Variants in SV2C observed in about 807,000 individuals in gnomAD.
The protein encoded by SV2C is synaptic vesicle glycoprotein 2C.
Under a neutral mutation model 79.7 loss-of-function variants are expected in SV2C, and 49 were observed. The observed-to-expected ratio is 0.61, with a 90% CI of 0.49 to 0.78. SV2C has a LOEUF of 0.78. Among genes scored for constraint, SV2C ranks in the 30% least tolerant of loss-of-function variants. The pLI is 0.00. For missense variants in SV2C, 833 were observed against 912.9 expected (o/e 0.91, Z 1.13); for synonymous variants, 334 against 333.2 (o/e 1.00, Z -0.03).
chr5:76,273,564 T>G (rs1400658185), intron 4 of SV2C, among the ~76,000 whole-genome samples: 2 of 152,210 alleles, frequency 1.3e-5, no homozygotes, highest in African/African-American at 4.8e-5. Flanking sequence ...AAAGCACGGT[T>G]AGGGTCATAA....
At chr5:76,046,514 G>A in the SV2C span, among the ~76,000 whole-genome samples, 1 of 152,126 alleles carries the variant, frequency 6.6e-6, no homozygotes. Flanking sequence ...GTATCCACAC[G>A]ATTGTGTAAA....
intron 4 of SV2C, among the ~76,000 whole-genome samples, chr5:76,228,726 A>G (rs1467451429): frequency 6.6e-6 from 1 of 152,222 alleles, no homozygotes; most frequent in Non-Finnish European, 1.5e-5. Flanking sequence ...ATTATGTATC[A>G]TACTTCATTC....
chr5:75,910,722 T>C, the SV2C span: 1 of 1,368,014 alleles, frequency 7.3e-7, no homozygotes, highest in South Asian at 1.2e-5. Context: ...GCCCAGACTA[T>C]GTTTGAAGAT....
At chr5:76,241,665 A>G (rs1248681265) in intron 4 of SV2C, among the ~76,000 whole-genome samples, 2 of 151,094 alleles carry the variant, frequency 1.3e-5, no homozygotes, top group East Asian at 3.9e-4. Flanking sequence ...GAAAGAGGGA[A>G]AGGGAGACGA....
At chr5:75,969,534 A>G in the SV2C span, among the ~76,000 whole-genome samples, 1 of 152,230 alleles carries the variant, frequency 6.6e-6, no homozygotes, top group Non-Finnish European at 1.5e-5. Flanking sequence ...CTAGTCTCTG[A>G]TAAAACAGAC....
At chr5:76,007,243 C>T in the SV2C span, among the ~76,000 whole-genome samples, 3 of 151,468 alleles carry the variant, frequency 2.0e-5, no homozygotes, top group Non-Finnish European at 4.4e-5. Context: ...CTCCCTTCCC[C>T]TAGCCTGCAA....
intron 1 of SV2C, among the ~76,000 whole-genome samples, chr5:76,092,892 C>A (rs1747427412): frequency 6.6e-6 from 1 of 152,130 alleles, no homozygotes; most frequent in African/African-American, 2.4e-5. Context: ...AGGCCCCTTG[C>A]AGCTCCAGCT....
chr5:76,052,966 A>T, the SV2C span, among the ~76,000 whole-genome samples: 1 of 151,866 alleles, frequency 6.6e-6, no homozygotes, highest in Non-Finnish European at 1.5e-5. Flanking sequence ...AAAACATTAT[A>T]ACAAAATTTC....
chr5:76,032,944 T>A, the SV2C span, among the ~76,000 whole-genome samples: 2 of 152,228 alleles, frequency 1.3e-5, no homozygotes, highest in African/African-American at 4.8e-5. Flanking sequence ...CCATTCTAAC[T>A]GGTTTGAGAT....
At chr5:76,162,776 G>A (rs1344939887) in intron 2 of SV2C, among the ~76,000 whole-genome samples, 1 of 152,184 alleles carries the variant, frequency 6.6e-6, no homozygotes, top group African/African-American at 2.4e-5. Flanking sequence ...GCTTGATCCT[G>A]TCTTTTTACT....
At chr5:76,295,609 A>T (rs1747725648) in intron 8 of SV2C, among the ~76,000 whole-genome samples, 169 bp from the exon 9 acceptor site, 3 of 152,122 alleles carry the variant, frequency 2.0e-5, no homozygotes, top group Admixed American at 2.0e-4. Flanking sequence ...TTTGCAGATT[A>T]ATGCTGGGGG....
Position 76,209,723 on chromosome 5 carries a change from T to C in SV2C, c.762-13T>C, listed in dbSNP as rs375237383. On this transcript the variant is annotated splice_polypyrimidine_tract_variant and intron_variant, in intron 3 of 12. Coordinates refer to ENST00000502798, the MANE Select transcript of SV2C (RefSeq NM_014979.4). ...ACACCCTGATTTCATGTATTCTCTGTACCTCTTGGCAGGATTGGAGGAGCC... is the reference window on the plus strand; with the variant it reads ...ACACCCTGATTTCATGTATTCTCTGCACCTCTTGGCAGGATTGGAGGAGCC... The C allele has an allele frequency of 2.1e-5, 34 of 1,612,762 alleles. No homozygotes were observed. The highest frequency in any genetic ancestry group is 2.8e-5 in the Non-Finnish European group (33 of 1,179,220).
chr5:75,923,953 C>T, the SV2C span, among the ~76,000 whole-genome samples: 11,934 of 152,188 alleles, frequency 0.078, 501 homozygotes, highest in Admixed American at 0.1. Flanking sequence ...AGTACACATG[C>T]GCATGCATGT....
intron 12 of SV2C, among the ~76,000 whole-genome samples, chr5:76,345,535 A>G (rs1030005006): frequency 6.6e-6 from 1 of 152,220 alleles, no homozygotes; most frequent in African/African-American, 2.4e-5. Flanking sequence ...AAGGCTCCCT[A>G]GACGAGGAAC....
At chr5:76,070,893 C>T in the SV2C span, among the ~76,000 whole-genome samples, 1 of 152,152 alleles carries the variant, frequency 6.6e-6, no homozygotes, top group South Asian at 2.1e-4. Flanking sequence ...CCAAGGACTC[C>T]CTATGCCTCC....
At chr5:75,871,617 G>A in the SV2C span, among the ~76,000 whole-genome samples, 4 of 151,966 alleles carry the variant, frequency 2.6e-5, no homozygotes, top group African/African-American at 9.7e-5. Flanking sequence ...AGACCATCCT[G>A]GCCAACATGG....
At chr5:76,242,352 G>T (rs1474652894) in intron 4 of SV2C, 11 of 1,348,166 alleles carry the variant, frequency 8.2e-6, no homozygotes, top group Middle Eastern at 1.9e-4. Flanking sequence ...GCAGCGGCGC[G>T]CGGGCTTTGG....
intron 1 of SV2C, among the ~76,000 whole-genome samples, chr5:76,120,933 G>T (rs1317130033): frequency 2.0e-5 from 3 of 151,296 alleles, no homozygotes; most frequent in Admixed American, 6.6e-5. Flanking sequence ...GATCCCTGAG[G>T]AATCGCCACA....
chr5:75,876,869 A>G, the SV2C span, among the ~76,000 whole-genome samples: 1 of 152,084 alleles, frequency 6.6e-6, no homozygotes, highest in Non-Finnish European at 1.5e-5. Flanking sequence ...AAAGAAAGAT[A>G]TGAAAGAGAA....
Sources: allele counts gnomAD v4.1 joint callset (sites outside exome capture counted in the v4.1 genomes callset), GRCh38; gene constraint gnomAD v4.1.1; transcripts MANE v1.5; gene names NCBI Gene and HGNC (gene_info 2026-07-23, HGNC 2026-07-21).